Variants in ADAMTSL1 observed in about 807,000 individuals in gnomAD.
The protein encoded by ADAMTSL1 is ADAMTS like 1.
ADAMTSL1 carries 126 observed loss-of-function variants against 201.8 expected under a neutral mutation model. The ratio of observed to expected loss-of-function variants is 0.62; its 90% CI spans 0.54 to 0.72. The LOEUF is 0.72. ADAMTSL1 is among the 30% of genes least tolerant of loss of function. ADAMTSL1 has a pLI of 0.00. For missense variants in ADAMTSL1, 2,679 were observed against 2,277.8 expected (o/e 1.18, Z -3.59); for synonymous variants, 1,121 against 903.4 (o/e 1.24, Z -4.32).
Position 18,639,248 on chromosome 9 carries a change from A to C in ADAMTSL1, c.677-6A>C, listed in dbSNP as rs1327061406. 2 of 1,612,466 alleles carry C rather than the reference A, an allele frequency of 1.2e-6. No individual in the cohort carries two copies. The highest frequency in any genetic ancestry group is 3.3e-5 in the Admixed American group (2 of 59,836). On this transcript the variant is annotated splice_region_variant and splice_polypyrimidine_tract_variant and intron_variant, in intron 6 of 28. Transcript: ENST00000380548. ...TTCTCTCATCTTCACGTGTTTGATC[A>C]TATAGATCTGGAAACCAAAACCCTC... is the stretch of plus-strand genomic sequence containing the variant.
chr9:18,350,741 T>C (rs913514875), intron 2 of ADAMTSL1, among the ~76,000 whole-genome samples: 2 of 152,164 alleles, frequency 1.3e-5, no homozygotes, highest in Admixed American at 6.5e-5. Flanking sequence ...CATTTTTACT[T>C]TGGCCAGACA....
intron 2 of ADAMTSL1, among the ~76,000 whole-genome samples, chr9:18,380,804 T>C (rs1837524541): frequency 6.6e-6 from 1 of 152,216 alleles, no homozygotes; most frequent in South Asian, 2.1e-4. Context: ...GTCCATTCTA[T>C]TTTCCTCATT....
intron 20 of ADAMTSL1, among the ~76,000 whole-genome samples, chr9:18,809,544 C>G (rs2131138632): frequency 6.6e-6 from 1 of 152,310 alleles, no homozygotes; most frequent in East Asian, 1.9e-4. Context: ...AATCCCAGCA[C>G]TTTGGGAGGC....
intron 2 of ADAMTSL1, among the ~76,000 whole-genome samples, chr9:18,394,855 A>G (rs1385830150): frequency 6.6e-6 from 1 of 152,212 alleles, no homozygotes; most frequent in African/African-American, 2.4e-5. Flanking sequence ...TTTTTTGCCA[A>G]GAGAAAACTT....
intron 15 of ADAMTSL1, among the ~76,000 whole-genome samples, chr9:18,734,622 T>A (rs1818402964): frequency 6.6e-6 from 1 of 152,180 alleles, no homozygotes; most frequent in Non-Finnish European, 1.5e-5. Flanking sequence ...ATAACAGTCA[T>A]GTTAGAGATA....
intron 14 of ADAMTSL1, among the ~76,000 whole-genome samples, chr9:18,708,370 A>G (rs1264614304): frequency 1.3e-5 from 2 of 152,216 alleles, no homozygotes; most frequent in African/African-American, 4.8e-5. Context: ...AAACCCTGGA[A>G]TTCTGAAGTG....
At chr9:18,701,596 A>C (rs1287234429) in intron 13 of ADAMTSL1, among the ~76,000 whole-genome samples, 1 of 152,158 alleles carries the variant, frequency 6.6e-6, no homozygotes, top group Admixed American at 6.5e-5. Context: ...GCCACCACTC[A>C]CATACACAAA....
At chr9:18,717,033 C>CAAAG (rs1215588468) in intron 14 of ADAMTSL1, among the ~76,000 whole-genome samples, 3 of 138,070 alleles carry the variant, frequency 2.2e-5, no homozygotes, top group African/African-American at 8.0e-5. Context: ...GGGAATTGAA[C>CAAAG]AATGAGAACA....
intron 2 of ADAMTSL1, among the ~76,000 whole-genome samples, chr9:18,166,004 A>C (rs1355661792): frequency 6.6e-5 from 10 of 151,934 alleles, no homozygotes; most frequent in Non-Finnish European, 1.2e-4. Flanking sequence ...GCAGAATGGG[A>C]GAATCAACAA....
chr9:18,278,171 A>C (rs967864666), intron 2 of ADAMTSL1, among the ~76,000 whole-genome samples: 1 of 152,198 alleles, frequency 6.6e-6, no homozygotes, highest in Non-Finnish European at 1.5e-5. Context: ...AACTTTTATA[A>C]GAATCAAAAG....
At chr9:18,141,006 G>A (rs570556050) in intron 1 of ADAMTSL1, among the ~76,000 whole-genome samples, 81 of 152,290 alleles carry the variant, frequency 5.3e-4, no homozygotes, top group African/African-American at 1.9e-3. Flanking sequence ...CACCAGAATG[G>A]TTTCTTATTT....
chr9:18,166,841 T>C (rs538200411), intron 2 of ADAMTSL1, among the ~76,000 whole-genome samples: 13 of 152,080 alleles, frequency 8.5e-5, no homozygotes, highest in Admixed American at 2.0e-4. Flanking sequence ...CCTAAAAAAT[T>C]AATTTATTTT....
chr9:18,703,727 T>TATATATATATATATATATATATAC (rs1832067894), intron 13 of ADAMTSL1, among the ~76,000 whole-genome samples: 1 of 139,010 alleles, frequency 7.2e-6, no homozygotes, highest in South Asian at 2.3e-4. Context: ...TATATATATA[T>TATATATATATATATATATATATAC]ATATATATGT....
intron 1 of ADAMTSL1, among the ~76,000 whole-genome samples, chr9:18,070,710 C>T (rs1237437001): frequency 1.3e-5 from 2 of 152,014 alleles, no homozygotes; most frequent in Non-Finnish European, 2.9e-5. Context: ...TATAGCCAAA[C>T]CAGAAGCCAT....
At chr9:18,183,087 C>G (rs1421668365) in intron 2 of ADAMTSL1, among the ~76,000 whole-genome samples, 1 of 152,164 alleles carries the variant, frequency 6.6e-6, no homozygotes, top group East Asian at 1.9e-4. Flanking sequence ...AAAGTGTCCT[C>G]CCCAACTGAT....
chr9:18,489,029 A>G (rs2131845162), intron 1 of ADAMTSL1, among the ~76,000 whole-genome samples: 1 of 152,292 alleles, frequency 6.6e-6, no homozygotes, highest in South Asian at 2.1e-4. Flanking sequence ...CACCTCAGGA[A>G]TTCCAAACAA....
chr9:18,681,699 G>GT lies in ADAMTSL1; in HGVS notation c.1342-113_1342-112insT, dbSNP rs1444339305. ...TAAATTTACCAGGAGTCCTCGTGTG[G>GT]GGGGGGGGGGCGGGGAAAAAGAAAA... On this transcript the variant is annotated intron_variant, in intron 11 of 28. Transcript: ENST00000380548. The GT allele has an allele frequency of 1.0e-4, 29 of 287,594 alleles. 1 individual carries two copies. The highest frequency in any genetic ancestry group is 1.2e-4 in the African/African-American group (2 of 16,682). The allele number at this position is 287,594 out of a possible 1,614,324, so 17.8% of individuals were successfully genotyped here.
At position 18,123,203 on chromosome 9, in the gene ADAMTSL1, A is replaced by G. The variant is rs182826018; in HGVS notation, c.88-40659A>G. Among the ~76,000 whole-genome samples the G allele has an allele frequency of 1.4e-3, 209 of 152,338 alleles. No individual in the cohort carries two copies. The Middle Eastern group carries it at 0.02, about 15-fold the overall frequency. Reference sequence around the variant, plus strand: ...ACTCCTAGTAACTAGATATTCTAGCATATTTCATCTTCCAGATTGCATTGT... The same window carrying G: ...ACTCCTAGTAACTAGATATTCTAGCGTATTTCATCTTCCAGATTGCATTGT... On this transcript the variant is annotated intron_variant, in intron 1 of 29. Transcript: ENST00000680146.
chr9:17,951,796 G>A (rs2840784), intron 1 of ADAMTSL1, among the ~76,000 whole-genome samples: 131,168 of 152,012 alleles, frequency 0.86, 56,676 homozygotes, highest in East Asian at 0.94. Context: ...TGTATTTTAT[G>A]TAGTCAAAGT....
Sources: gnomAD v4.1 joint callset for allele counts (sites outside exome capture counted in the v4.1 genomes callset) on GRCh38, gnomAD v4.1.1 for gene constraint, MANE v1.5 for transcripts, NCBI Gene and HGNC (gene_info 2026-07-23, HGNC 2026-07-21) for gene names.